The following PDZRN4 variants were observed in gnomAD, a reference collection of about 807,000 sequenced individuals.
PDZRN4 encodes the protein PDZ domain-containing RING finger protein 4.
PDZRN4 carries 70 observed loss-of-function variants against 99.0 expected under a neutral mutation model. The observed-to-expected ratio is 0.71, with a 90% CI of 0.58 to 0.86. PDZRN4 has a LOEUF of 0.86. Among genes scored for constraint, PDZRN4 ranks in the 40% least tolerant of loss-of-function variants. PDZRN4 has a pLI of 0.00. For missense variants in PDZRN4, 1,474 were observed against 1,331.2 expected (o/e 1.11, Z -1.67); for synonymous variants, 551 against 501.6 (o/e 1.10, Z -1.32).
rs367548170 is a variant in PDZRN4, at chr12:41,191,463, A to C, written c.654A>C (p.Gly218=). ...TTTTATACATTTTTTTCTAGGATGG[A>C]GAGCATAAGCCATTCACTATTGTGT... ...GDLGGGHRRD[G]EHKPFTIVLE... The change falls in exon 2 of 10, where the codon GGA becomes GGC. Residue 218 remains glycine, a synonymous_variant. Transcript: ENST00000402685. 1 of 1,506,014 alleles carries C rather than the reference A, an allele frequency of 6.6e-7. No homozygotes were observed. Among genetic ancestry groups the C allele is most frequent in the African/African-American group, 1.4e-5 (1 of 72,850 alleles). The allele number at this position is 1,506,014 out of a possible 1,614,324, so 93.3% of individuals were successfully genotyped here.
intron 3 of PDZRN4, among the ~76,000 whole-genome samples, chr12:41,413,309 A>G (rs1592050258): frequency 6.6e-6 from 1 of 152,180 alleles, no homozygotes; most frequent in African/African-American, 2.4e-5. Context: ...TGTGGGAGCT[A>G]AAAGAATATT....
intron 3 of PDZRN4, among the ~76,000 whole-genome samples, chr12:41,419,207 G>A (rs1245030313): frequency 2.0e-5 from 3 of 152,070 alleles, no homozygotes; most frequent in Non-Finnish European, 4.4e-5. Flanking sequence ...TAAAAAGTAG[G>A]ATGGCTTCTG....
intron 5 of PDZRN4, among the ~76,000 whole-genome samples, chr12:41,524,698 G>A (rs1008832483): frequency 1.3e-5 from 2 of 152,042 alleles, no homozygotes; most frequent in Non-Finnish European, 2.9e-5. Flanking sequence ...GGATATTAGA[G>A]GGATTTAAGA....
At chr12:41,323,201 T>C (rs61926684) in intron 3 of PDZRN4, among the ~76,000 whole-genome samples, 12,558 of 152,212 alleles carry the variant, frequency 0.083, 579 homozygotes, top group South Asian at 0.12. Context: ...CAGCTTCAAA[T>C]TGACAGGAGG....
intron 3 of PDZRN4, among the ~76,000 whole-genome samples, chr12:41,399,446 G>T (rs1014509588): frequency 6.6e-6 from 1 of 152,116 alleles, no homozygotes; most frequent in Non-Finnish European, 1.5e-5. Flanking sequence ...GGTTTTAAAA[G>T]TATATTGGCT....
chr12:41,473,092 G>A (rs1325139545), intron 3 of PDZRN4, among the ~76,000 whole-genome samples: 1 of 151,492 alleles, frequency 6.6e-6, no homozygotes, highest in Non-Finnish European at 1.5e-5. Flanking sequence ...AGATATTACA[G>A]TTTTGTTTTA....
intron 3 of PDZRN4, among the ~76,000 whole-genome samples, chr12:41,251,314 G>C (rs1271942347): frequency 5.9e-5 from 9 of 152,066 alleles, no homozygotes; most frequent in Non-Finnish European, 1.2e-4. Context: ...CTCAAAAATT[G>C]ATATGGTAAT....
intron 5 of PDZRN4, among the ~76,000 whole-genome samples, chr12:41,522,811 A>G (rs955853565): frequency 3.3e-5 from 5 of 152,266 alleles, no homozygotes; most frequent in South Asian, 2.1e-4. Flanking sequence ...TTAGTATCAG[A>G]TCAATCATGT....
At chr12:41,303,661 C>T (rs1951551614) in intron 3 of PDZRN4, among the ~76,000 whole-genome samples, 1 of 152,126 alleles carries the variant, frequency 6.6e-6, no homozygotes, top group Non-Finnish European at 1.5e-5. Context: ...AAAATAATGC[C>T]AATACTGTCA....
chr12:41,191,733 A>G (rs1950736365), intron 2 of PDZRN4, among the ~76,000 whole-genome samples, 189 bp downstream of exon 2: 1 of 152,012 alleles, frequency 6.6e-6, no homozygotes, highest in Non-Finnish European at 1.5e-5. Flanking sequence ...ATATTCCAGT[A>G]CATACCCAGA....
chr12:41,559,685 C>G (rs1939233279), intron 7 of PDZRN4, among the ~76,000 whole-genome samples: 1 of 152,168 alleles, frequency 6.6e-6, no homozygotes, highest in Non-Finnish European at 1.5e-5. Flanking sequence ...CTTCATTTCT[C>G]TGTTCTACAC....
chr12:41,334,740 A>G (rs1951762359), intron 3 of PDZRN4, among the ~76,000 whole-genome samples: 1 of 152,208 alleles, frequency 6.6e-6, no homozygotes, highest in African/African-American at 2.4e-5. Flanking sequence ...AGGAGAAGAG[A>G]TAAATCATTG....
chr12:41,330,421 G>C (rs7133896), intron 3 of PDZRN4, among the ~76,000 whole-genome samples: 135,786 of 151,362 alleles, frequency 0.9, 61,105 homozygotes, highest in Middle Eastern at 0.96. Flanking sequence ...TCAGTATCCT[G>C]ATCTGTAAAA....
chr12:41,368,781 C>T (rs1229253577), intron 3 of PDZRN4, among the ~76,000 whole-genome samples: 1 of 152,086 alleles, frequency 6.6e-6, no homozygotes, highest in Non-Finnish European at 1.5e-5. Flanking sequence ...CTCCTGTATA[C>T]ATTAGCTCAT....
intron 5 of PDZRN4, among the ~76,000 whole-genome samples, chr12:41,536,826 G>A (rs1316211615): frequency 7.0e-6 from 1 of 142,944 alleles, no homozygotes; most frequent in East Asian, 2.0e-4. Context: ...CATTTGTTTT[G>A]TCCTCTTAGT....
In PDZRN4 at chr12:41,194,191, A is replaced by G; in HGVS notation, c.843+3A>G. 3.9e-6 allele frequency: 5 copies of G among 1,288,334 alleles called. No individual in the cohort carries two copies. Among genetic ancestry groups the G allele is most frequent in the Admixed American group, 1.7e-5 (1 of 59,224 alleles). 79.8% of individuals were successfully genotyped at this position (1,288,334 alleles called of 1,614,324 possible). A position where few individuals can be genotyped will look rare whatever the true frequency, so the allele number is the denominator to read the frequency against. ...AGATTCATGACAAAATCATGGAGGT[A>G]AGACAATGATAAAACATGTATATGA... On this transcript the variant is annotated splice_donor_region_variant and intron_variant, in intron 3 of 9. Transcript: ENST00000402685.
chr12:41,420,029 G>A (rs1952476673), intron 3 of PDZRN4, among the ~76,000 whole-genome samples: 1 of 152,082 alleles, frequency 6.6e-6, no homozygotes, highest in African/African-American at 2.4e-5. Context: ...GCTATTTATT[G>A]AGTACTTGAT....
intron 3 of PDZRN4, among the ~76,000 whole-genome samples, chr12:41,204,569 G>A (rs776503257): frequency 3.3e-5 from 5 of 151,952 alleles, no homozygotes; most frequent in African/African-American, 4.8e-5. Flanking sequence ...GGGAAGGAAG[G>A]TACCTTCTTC....
At chr12:41,326,285 A>G (rs1297371279) in intron 3 of PDZRN4, among the ~76,000 whole-genome samples, 2 of 151,988 alleles carry the variant, frequency 1.3e-5, no homozygotes, top group Non-Finnish European at 2.9e-5. Flanking sequence ...GCCTCTTTCA[A>G]TGTTTCTTGA....
Sources: gnomAD v4.1 joint callset for allele counts (sites outside exome capture counted in the v4.1 genomes callset) on GRCh38, gnomAD v4.1.1 for gene constraint, MANE v1.5 for transcripts, NCBI Gene and HGNC (gene_info 2026-07-23, HGNC 2026-07-21) for gene names.